Variants in SAV1 observed in about 807,000 individuals in gnomAD.
SAV1 encodes the protein protein salvador homolog 1.
SAV1 carries 23 observed loss-of-function variants against 47.3 expected under a neutral mutation model. The ratio of observed to expected loss-of-function variants is 0.49; its 90% CI spans 0.35 to 0.69. The LOEUF is 0.69. Among genes scored for constraint, SAV1 ranks in the 30% least tolerant of loss-of-function variants. SAV1 has a pLI of 0.01. For synonymous variants in SAV1, 155 were observed against 159.2 expected, an observed-to-expected ratio of 0.97 and a Z score of 0.20; for missense variants, 448 against 457.4, an observed-to-expected ratio of 0.98 and a Z score of 0.19.
chr14:50,645,526 T>C (rs2039714631), intron 2 of SAV1, among the ~76,000 whole-genome samples: 4 of 151,936 alleles, frequency 2.6e-5, no homozygotes, highest in Non-Finnish European at 4.4e-5. Context: ...AGATTTGGGA[T>C]CTCTTCCCAA....
chr14:50,635,455 T>G, intron 4 of SAV1, 71 bp from the exon 5 acceptor site: 1 of 1,212,558 alleles, frequency 8.2e-7, no homozygotes, highest in Non-Finnish European at 1.2e-6. Context: ...AAGAAACTAG[T>G]CTGTTTTTTA....
At position 50,668,128 on chromosome 14, in the gene SAV1, GACTGCCGC is replaced by G. The variant is rs1391410806; in HGVS notation, c.-169_-162del. The G allele has an allele frequency of 8.2e-6, 3 of 367,606 alleles. No homozygotes were observed. The highest frequency in any genetic ancestry group is 2.2e-5 in the African/African-American group (1 of 46,250). 22.8% of individuals were successfully genotyped at this position (367,606 alleles called of 1,614,324 possible). A position where few individuals can be genotyped will look rare whatever the true frequency, so the allele number is the denominator to read the frequency against. On this transcript the variant is annotated 5_prime_UTR_variant, in exon 1 of 5. An upstream start codon of the reference 5' UTR is lost. Coordinates refer to ENST00000324679, the MANE Select transcript of SAV1 (RefSeq NM_021818.4). ...TCCGGAGCCCGGGGTCGCCCGCAGG[GACTGCCGC>G]ATGTTCAGGGCGCTAAGCGCGCCGG...
chr14:50,665,690 T>C, intron 1 of SAV1, 71 bp from the exon 2 acceptor site: 5 of 1,321,692 alleles, frequency 3.8e-6, no homozygotes, highest in African/African-American at 1.5e-5. Flanking sequence ...TTTGTTCATT[T>C]ATGTCTACCA....
chr14:50,657,224 G>A (rs1035592819), intron 2 of SAV1, among the ~76,000 whole-genome samples: 3 of 151,858 alleles, frequency 2.0e-5, no homozygotes, highest in African/African-American at 2.4e-5. Context: ...TAGTAGAGAC[G>A]GGGTTTCACC....
intron 2 of SAV1, among the ~76,000 whole-genome samples, chr14:50,655,193 T>C (rs1383754142): frequency 6.6e-6 from 1 of 152,180 alleles, no homozygotes; most frequent in East Asian, 1.9e-4. Context: ...GACTTTAATA[T>C]CACATCGTAG....
chr14:50,640,686 C>T lies in SAV1; in HGVS notation c.950+64G>A, dbSNP rs145029134. 535 of 1,488,958 alleles carry T rather than the reference C, an allele frequency of 3.6e-4. 1 individual carries two copies. The East Asian group carries it at 0.012, about 34-fold the overall frequency. 92.2% of individuals were successfully genotyped at this position (1,488,958 alleles called of 1,614,324 possible). On this transcript the variant is annotated intron_variant, in intron 4 of 4. Coordinates refer to ENST00000324679, the MANE Select transcript of SAV1 (RefSeq NM_021818.4). ...ATGGCACACTACTTGGATCGAGCAG[C>T]CCAGAGACTCCATTCAGCCCTTCAC...
At chr14:50,658,017 T>C (rs2039827649) in intron 2 of SAV1, among the ~76,000 whole-genome samples, 1 of 152,234 alleles carries the variant, frequency 6.6e-6, no homozygotes, top group African/African-American at 2.4e-5. Flanking sequence ...GGGTCCCTAG[T>C]AATGGATGCT....
Position 50,668,103 on chromosome 14 carries a change from T to G in SAV1, c.-136A>C. The G allele has an allele frequency of 4.3e-6, 2 of 467,094 alleles. No homozygotes were observed. The highest frequency in any genetic ancestry group is 6.7e-6 in the Non-Finnish European group (2 of 298,922). The allele number at this position is 467,094 out of a possible 1,614,324, so 28.9% of individuals were successfully genotyped here. A position where few individuals can be genotyped will look rare whatever the true frequency, so the allele number is the denominator to read the frequency against. Reference sequence around the variant, plus strand: ...GAGCCGCCGCCTCCGCCGCCGCCTGTCCGGAGCCCGGGGTCGCCCGCAGGG... The same window carrying G: ...GAGCCGCCGCCTCCGCCGCCGCCTGGCCGGAGCCCGGGGTCGCCCGCAGGG... On this transcript the variant is annotated 5_prime_UTR_variant, in exon 1 of 5. Transcript: ENST00000324679.
At chr14:50,652,856 C>T (rs994690043) in intron 2 of SAV1, among the ~76,000 whole-genome samples, 1 of 152,132 alleles carries the variant, frequency 6.6e-6, no homozygotes, top group Non-Finnish European at 1.5e-5. Flanking sequence ...CATGGCGAAA[C>T]TCCATCTCTA....
chr14:50,647,558 C>T (rs983284453), intron 2 of SAV1, among the ~76,000 whole-genome samples: 49 of 151,950 alleles, frequency 3.2e-4, no homozygotes, highest in Admixed American at 3.0e-3. Flanking sequence ...CAGAGTGAAA[C>T]CCCTTCTCTC....
intron 4 of SAV1, 105 bp downstream of exon 4, chr14:50,640,645 T>C: frequency 1.0e-6 from 1 of 955,618 alleles, no homozygotes; most frequent in South Asian, 2.5e-5. Context: ...AAGCCGAATA[T>C]TATTAAGAGT....
intron 4 of SAV1, chr14:50,637,740 A>C (rs1434171289): frequency 6.8e-6 from 1 of 148,050 alleles, no homozygotes; most frequent in Non-Finnish European, 1.5e-5. Context: ...GTGGCTAATC[A>C]CAAGCACAAT....
chr14:50,648,871 T>C (rs1003759698), intron 2 of SAV1, among the ~76,000 whole-genome samples: 4 of 152,118 alleles, frequency 2.6e-5, no homozygotes, highest in Non-Finnish European at 4.4e-5. Flanking sequence ...TCACCACAGG[T>C]TGGTGATACT....
chr14:50,635,414 C>G, intron 4 of SAV1, 30 bp from the exon 5 acceptor site: 1 of 1,508,434 alleles, frequency 6.6e-7, no homozygotes, highest in Non-Finnish European at 9.2e-7. Flanking sequence ...TATATATGTT[C>G]ACAACACATA....
intron 2 of SAV1, among the ~76,000 whole-genome samples, chr14:50,656,421 C>CAAAA (rs1039473772): frequency 1.3e-5 from 2 of 149,726 alleles, no homozygotes; most frequent in Non-Finnish European, 3.0e-5. Context: ...TTAATAATTT[C>CAAAA]AAAACATACC....
chr14:50,635,509 T>C lies in SAV1; in HGVS notation c.951-125A>G, dbSNP rs2039626505. On this transcript the variant is annotated intron_variant, in intron 4 of 4. Coordinates refer to ENST00000324679, the MANE Select transcript of SAV1 (RefSeq NM_021818.4). Reference sequence around the variant, plus strand: ...TAACTAAACAAACCATAAGTTTTAATTAAAAATAACTGGGCACAGTGGTGG... The same window carrying C: ...TAACTAAACAAACCATAAGTTTTAACTAAAAATAACTGGGCACAGTGGTGG... The C allele has an allele frequency of 8.5e-6, 7 of 820,480 alleles. No homozygotes were observed. The East Asian group carries it at 1.6e-4, about 19-fold the overall frequency. 50.8% of individuals were successfully genotyped at this position (820,480 alleles called of 1,614,324 possible). A position where few individuals can be genotyped will look rare whatever the true frequency, so the allele number is the denominator to read the frequency against.
In SAV1 at chr14:50,667,772, G is replaced by C. The variant is rs1358690733; in HGVS notation, c.94+102C>G. The C allele has an allele frequency of 4.9e-6, 4 of 821,842 alleles. No individual in the cohort carries two copies. In the East Asian group the frequency reaches 1.0e-4, roughly 21 times the overall value. The allele number at this position is 821,842 out of a possible 1,614,324, so 50.9% of individuals were successfully genotyped here. ...CAAAACCAGTATTTCACGCGACCAA[G>C]GACGAAGGAGAAGCCCTGGAGACCC... On this transcript the variant is annotated intron_variant, in intron 1 of 4. Coordinates refer to ENST00000324679, the MANE Select transcript of SAV1 (RefSeq NM_021818.4).
chr14:50,662,559 T>C (rs1234049314), intron 2 of SAV1: 4 of 152,250 alleles, frequency 2.6e-5, no homozygotes, highest in Non-Finnish European at 5.9e-5. Flanking sequence ...AAAGTTGCTT[T>C]AAAGTCTGTC....
chr14:50,635,871 A>G (rs1010725932), intron 4 of SAV1, among the ~76,000 whole-genome samples: 2 of 152,034 alleles, frequency 1.3e-5, no homozygotes, highest in Non-Finnish European at 2.9e-5. Flanking sequence ...CACCATGCCC[A>G]GCTACTTCTG....
Sources: gnomAD v4.1 joint callset for allele counts (sites outside exome capture counted in the v4.1 genomes callset) on GRCh38, gnomAD v4.1.1 for gene constraint, MANE v1.5 for transcripts, NCBI Gene and HGNC (gene_info 2026-07-23, HGNC 2026-07-21) for gene names.